Variants in DOCK7 observed in about 807,000 individuals in gnomAD.
DOCK7 encodes dedicator of cytokinesis protein 7.
Under a neutral mutation model 271.0 loss-of-function variants are expected in DOCK7, and 138 were observed. The ratio of observed to expected loss-of-function variants is 0.51; its 90% CI spans 0.44 to 0.59. The LOEUF is 0.59. Ranked by LOEUF, DOCK7 falls within the 20% of genes least tolerant of loss-of-function variation. The probability of loss-of-function intolerance (pLI) is 0.00; values close to 1 mark genes in which losing one functional copy is unlikely to be tolerated. For synonymous variants in DOCK7, 823 were observed against 876.1 expected, an observed-to-expected ratio of 0.94 and a Z score of 1.07; for missense variants, 2,066 against 2,592.4, an observed-to-expected ratio of 0.80 and a Z score of 4.41.
At chr1:62,467,699 C>A (rs1645718202) in intron 48 of DOCK7, among the ~76,000 whole-genome samples, 1 of 152,182 alleles carries the variant, frequency 6.6e-6, no homozygotes, top group South Asian at 2.1e-4. Context: ...GGTACCAATC[C>A]TATTGACATT....
chr1:62,604,719 A>G (rs765960809), intron 14 of DOCK7: 1 of 1,613,186 alleles, frequency 6.2e-7, no homozygotes, highest in African/African-American at 1.3e-5. Context: ...GCCAGAGAGG[A>G]GAAGAGGATT....
chr1:62,503,513 C>T (rs1646847564), intron 37 of DOCK7, among the ~76,000 whole-genome samples: 1 of 151,822 alleles, frequency 6.6e-6, no homozygotes, highest in Non-Finnish European at 1.5e-5. Flanking sequence ...TCATAGCTCA[C>T]TGCGACCTCA....
intron 18 of DOCK7, among the ~76,000 whole-genome samples, chr1:62,575,355 G>A (rs1402853280): frequency 2.6e-5 from 4 of 151,966 alleles, no homozygotes; most frequent in Non-Finnish European, 4.4e-5. Flanking sequence ...CTCCTCCTCA[G>A]CCTACCCATC....
intron 16 of DOCK7, among the ~76,000 whole-genome samples, chr1:62,582,447 G>A (rs1193435661): frequency 1.3e-4 from 19 of 147,172 alleles, no homozygotes; most frequent in African/African-American, 4.5e-4. Context: ...CTACTTGGGA[G>A]GCTGAGGCAG....
intron 2 of DOCK7, among the ~76,000 whole-genome samples, chr1:62,661,719 G>C (rs1446893233): frequency 6.6e-6 from 1 of 152,184 alleles, no homozygotes; most frequent in Non-Finnish European, 1.5e-5. Flanking sequence ...CAGGGTACCA[G>C]AACAAGAAGG....
At chr1:62,624,791 T>C (rs1653732039) in intron 12 of DOCK7, among the ~76,000 whole-genome samples, 1 of 152,038 alleles carries the variant, frequency 6.6e-6, no homozygotes, top group African/African-American at 2.4e-5. Context: ...CTGGCCAACA[T>C]TTAGTATCCT....
intron 16 of DOCK7, among the ~76,000 whole-genome samples, chr1:62,579,548 T>C (rs907644938): frequency 1.1e-4 from 16 of 151,612 alleles, no homozygotes; most frequent in Non-Finnish European, 1.8e-4. Flanking sequence ...CTGCACAACA[T>C]AGCCAGACTC....
At chr1:62,678,470 T>C (rs543958569) in intron 1 of DOCK7, among the ~76,000 whole-genome samples, 29 of 152,134 alleles carry the variant, frequency 1.9e-4, no homozygotes, top group Non-Finnish European at 4.3e-4. Flanking sequence ...GAGCAAATTA[T>C]AAAATTTCAT....
intron 43 of DOCK7, chr1:62,485,293 T>C (rs1646260183): frequency 1.0e-6 from 1 of 985,304 alleles, no homozygotes; most frequent in African/African-American, 1.7e-5. Context: ...TGATTTATTA[T>C]TTTGCATGGT....
At chr1:62,535,892 C>T (rs1317825480) in intron 28 of DOCK7, among the ~76,000 whole-genome samples, 2 of 152,102 alleles carry the variant, frequency 1.3e-5, no homozygotes, top group Non-Finnish European at 2.9e-5. Flanking sequence ...TACTTTCCTA[C>T]ATATTTTCCC....
chr1:62,455,402 A>T lies in DOCK7; in HGVS notation c.*12T>A. ...TGGCTCTTTGCAGATGAATAAAACA[A>T]GTGCATTCAGTTTAGAGATCCATTT... On this transcript the variant is annotated 3_prime_UTR_variant, in exon 50 of 50. Coordinates refer to ENST00000635253, the MANE Select transcript of DOCK7 (RefSeq NM_001367561.1). 1 of 1,613,132 alleles carries T rather than the reference A, an allele frequency of 6.2e-7. No homozygotes were observed.
At chr1:62,512,988 G>A (rs1383495165) in intron 33 of DOCK7, among the ~76,000 whole-genome samples, 2 of 151,864 alleles carry the variant, frequency 1.3e-5, no homozygotes, top group Non-Finnish European at 2.9e-5. Context: ...GTGATGATGT[G>A]TTAATGTAGG....
At chr1:62,630,027 T>G (rs977605016) in intron 11 of DOCK7, among the ~76,000 whole-genome samples, 4 of 152,222 alleles carry the variant, frequency 2.6e-5, no homozygotes, top group Non-Finnish European at 5.9e-5. Context: ...AGGCAGTGTA[T>G]GGCAAATGCA....
chr1:62,538,180 T>G (rs1645409702), intron 27 of DOCK7, 119 bp from the exon 28 acceptor site: 2 of 1,049,872 alleles, frequency 1.9e-6, no homozygotes, highest in African/African-American at 3.2e-5. Context: ...TTGGGTTTTG[T>G]GGCTTAAGTA....
chr1:62,617,038 G>A (rs1245358355), intron 14 of DOCK7, among the ~76,000 whole-genome samples: 5 of 150,344 alleles, frequency 3.3e-5, no homozygotes, highest in Admixed American at 2.7e-4. Context: ...AGATACGAAA[G>A]CTTTCAGTGA....
intron 1 of DOCK7, among the ~76,000 whole-genome samples, chr1:62,680,494 T>G (rs1472595345): frequency 6.6e-6 from 1 of 151,442 alleles, no homozygotes; most frequent in Non-Finnish European, 1.5e-5. Context: ...ACTTCATGTC[T>G]AAAACACCAA....
chr1:62,633,593 A>G lies in DOCK7; in HGVS notation c.1036-15T>C. 4 of 1,595,846 alleles carry G rather than the reference A, an allele frequency of 2.5e-6. No homozygotes were observed. The South Asian group carries it at 3.3e-5, about 13-fold the overall frequency. On this transcript the variant is annotated splice_polypyrimidine_tract_variant and intron_variant, in intron 9 of 49. Transcript: ENST00000635253. ...ACTTTTTCTAGCTGTCAAAGGCAAA[A>G]AAAGTTAAGATTAAGCTTTTAAAAG...
At chr1:62,553,312 TTATA>T (rs1370176103) in intron 21 of DOCK7, among the ~76,000 whole-genome samples, 40 of 20,524 alleles carry the variant, frequency 1.9e-3, no homozygotes, top group Admixed American at 3.0e-3. Context: ...AAAAAGTATT[TTATA>T]TATATATATA....
intron 44 of DOCK7, 34 bp from the exon 45 acceptor site, chr1:62,476,190 G>T: frequency 6.3e-7 from 1 of 1,581,038 alleles, no homozygotes; most frequent in Non-Finnish European, 8.6e-7. Flanking sequence ...TTTATATGAA[G>T]TTAAAAAGAC....
Sources: allele counts gnomAD v4.1 joint callset (sites outside exome capture counted in the v4.1 genomes callset), GRCh38; gene constraint gnomAD v4.1.1; transcripts MANE v1.5; gene names NCBI Gene and HGNC (gene_info 2026-07-23, HGNC 2026-07-21).